SLC4A7: variants seen among roughly 807,000 people sequenced by gnomAD.
The protein encoded by SLC4A7 is solute carrier family 4 member 7.
SLC4A7 carries 51 observed loss-of-function variants against 137.6 expected under a neutral mutation model. The observed-to-expected ratio is 0.37, with a 90% CI of 0.30 to 0.47. The LOEUF (loss-of-function observed/expected upper bound fraction) is 0.47. Among genes scored for constraint, SLC4A7 ranks in the 20% least tolerant of loss-of-function variants. SLC4A7 has a pLI of 1.00. For missense variants in SLC4A7, 1,247 were observed against 1,525.4 expected, an observed-to-expected ratio of 0.82 and a Z score of 3.04; for synonymous variants, 542 against 518.6, an observed-to-expected ratio of 1.05 and a Z score of -0.61.
intron 3 of SLC4A7, among the ~76,000 whole-genome samples, chr3:27,447,577 C>CTAA (rs2057753168): frequency 6.7e-6 from 1 of 149,740 alleles, no homozygotes; most frequent in African/African-American, 2.5e-5. Context: ...TGGCCTTATA[C>CTAA]TAATAATGCC....
chr3:27,437,549 T>G (rs73151825), intron 3 of SLC4A7, 23 bp from the exon 4 acceptor site: 8 of 1,475,650 alleles, frequency 5.4e-6, no homozygotes, highest in African/African-American at 2.9e-5. Context: ...AGAATTTACA[T>G]ATACTCAAAT....
Position 27,404,843 on chromosome 3 carries a change from A to C in SLC4A7, c.2062T>G (p.Tyr688Asp), listed in dbSNP as rs770531688. 6.2e-7 allele frequency: 1 copy of C among 1,603,052 alleles called. No individual in the cohort carries two copies. The highest frequency in any genetic ancestry group is 1.1e-5 in the South Asian group (1 of 88,884). The change falls in exon 14 of 26, where the codon TAT becomes GAT. Residue 688 changes from tyrosine to aspartate, a missense_variant. By Grantham distance (160) the Tyr-to-Asp change is radical. Transcript: ENST00000454389. ...GPVLVFEKIL[Y>D]KFCRDYQLSY... ...GCTATTACTTACCTGCAGAATTTAT[A>C]TAAAATTTTTTCAAACACTAGAACT...
At chr3:27,412,277 G>A (rs1485878137) in intron 11 of SLC4A7, among the ~76,000 whole-genome samples, 1 of 152,150 alleles carries the variant, frequency 6.6e-6, no homozygotes, top group East Asian at 1.9e-4. Flanking sequence ...CTATTCACAT[G>A]ATACAGGATT....
At chr3:27,470,814 C>T (rs1197799421) in intron 1 of SLC4A7, among the ~76,000 whole-genome samples, 7 of 151,964 alleles carry the variant, frequency 4.6e-5, no homozygotes, top group African/African-American at 1.7e-4. Context: ...TGGTGGCATG[C>T]GCCTGTACTC....
chr3:27,430,542 T>C (rs1053530467), intron 7 of SLC4A7, among the ~76,000 whole-genome samples: 2 of 141,596 alleles, frequency 1.4e-5, no homozygotes, highest in South Asian at 2.2e-4. Flanking sequence ...ATTGCTTGAG[T>C]CCAGGAGGTG....
intron 10 of SLC4A7, among the ~76,000 whole-genome samples, chr3:27,418,916 A>C (rs1377523477): frequency 6.6e-6 from 1 of 152,240 alleles, no homozygotes; most frequent in East Asian, 1.9e-4. Flanking sequence ...AATTGATTAG[A>C]AAATAAAACA....
intron 5 of SLC4A7, 69 bp downstream of exon 5, chr3:27,436,319 T>C (rs1303676751): frequency 2.6e-6 from 3 of 1,172,488 alleles, no homozygotes; most frequent in East Asian, 4.7e-5. Flanking sequence ...GCTCAGCATA[T>C]AGTTGTTAAA....
intron 23 of SLC4A7, 142 bp downstream of exon 23, chr3:27,385,750 A>T (rs2050875396): frequency 1.8e-6 from 1 of 566,020 alleles, no homozygotes; most frequent in Non-Finnish European, 3.0e-6. Flanking sequence ...TGGAGATAAC[A>T]GCAGTACCTA....
chr3:27,456,128 A>G (rs1284175256), intron 1 of SLC4A7, among the ~76,000 whole-genome samples: 1 of 152,238 alleles, frequency 6.6e-6, no homozygotes, highest in African/African-American at 2.4e-5. Context: ...TTAGAAAAAA[A>G]GGATGTTAAA....
At position 27,374,455 on chromosome 3, in the gene SLC4A7, G is replaced by C. The variant is rs1440000524; in HGVS notation, c.*2309C>G. 3 of 152,462 alleles carry C rather than the reference G, an allele frequency of 2.0e-5. No homozygotes were observed. The highest frequency in any genetic ancestry group is 7.2e-5 in the African/African-American group (3 of 41,434). The allele number at this position is 152,462 out of a possible 1,614,324, so 9.4% of individuals were successfully genotyped here. ...TATCTGTCACTGTCTCTCAATGAATGCTATCTTTGATTATTTTTCAAAAAC... is the reference window on the plus strand; with the variant it reads ...TATCTGTCACTGTCTCTCAATGAATCCTATCTTTGATTATTTTTCAAAAAC... On this transcript the variant is annotated 3_prime_UTR_variant, in exon 26 of 26. Transcript: ENST00000454389.
At chr3:27,401,000 G>A in intron 15 of SLC4A7, 131 bp from the exon 16 acceptor site, 1 of 531,820 alleles carries the variant, frequency 1.9e-6, no homozygotes, top group Non-Finnish European at 3.3e-6. Flanking sequence ...AGACTAGAAA[G>A]TGGAAAATAC....
chr3:27,440,121 A>G (rs2057071221), intron 3 of SLC4A7, among the ~76,000 whole-genome samples: 1 of 152,192 alleles, frequency 6.6e-6, no homozygotes, highest in African/African-American at 2.4e-5. Flanking sequence ...CTGGTGGATT[A>G]AATAACACAA....
intron 7 of SLC4A7, 159 bp from the exon 8 acceptor site, chr3:27,424,311 T>C: frequency 2.2e-6 from 1 of 457,382 alleles, no homozygotes; most frequent in Non-Finnish European, 3.9e-6. Flanking sequence ...CCAGCAAAAC[T>C]AGAACAACAT....
intron 12 of SLC4A7, among the ~76,000 whole-genome samples, chr3:27,410,295 G>A (rs139073776): frequency 1.3e-5 from 2 of 152,142 alleles, no homozygotes; most frequent in East Asian, 1.9e-4. Flanking sequence ...TGTTCACTGC[G>A]TTATCTACAG....
intron 12 of SLC4A7, 53 bp downstream of exon 12, chr3:27,411,589 G>T: frequency 1.1e-6 from 1 of 908,042 alleles, no homozygotes; most frequent in Non-Finnish European, 1.6e-6. Flanking sequence ...TAATATTTAT[G>T]TTTTCATCAA....
intron 1 of SLC4A7, among the ~76,000 whole-genome samples, chr3:27,464,802 G>T (rs1158786882): frequency 2.6e-5 from 4 of 152,178 alleles, no homozygotes; most frequent in African/African-American, 9.7e-5. Context: ...CTGGGAGGAT[G>T]GGGTGGAACC....
At chr3:27,446,155 C>T (rs1447888486) in intron 3 of SLC4A7, among the ~76,000 whole-genome samples, 1 of 150,342 alleles carries the variant, frequency 6.7e-6, no homozygotes, top group East Asian at 1.9e-4. Flanking sequence ...TCATACTGTA[C>T]ACCTTAAATG....
chr3:27,394,824 A>G, intron 19 of SLC4A7, 55 bp from the exon 20 acceptor site: 1 of 1,577,070 alleles, frequency 6.3e-7, no homozygotes, highest in Non-Finnish European at 8.6e-7. Flanking sequence ...CCCTCAATTT[A>G]AAATTCTACA....
At chr3:27,391,645 G>C (rs1025814359) in intron 21 of SLC4A7, 95 bp downstream of exon 21, 5 of 724,406 alleles carry the variant, frequency 6.9e-6, no homozygotes, top group Non-Finnish European at 1.2e-5. Context: ...CAAAATGTCA[G>C]AGTTGAGAAT....
Sources: gnomAD v4.1 joint callset for allele counts (sites outside exome capture counted in the v4.1 genomes callset) on GRCh38, gnomAD v4.1.1 for gene constraint, MANE v1.5 for transcripts, NCBI Gene and HGNC (gene_info 2026-07-23, HGNC 2026-07-21) for gene names.